Variants in DCAF10 observed in about 807,000 individuals in gnomAD.
DCAF10 encodes the protein DDB1- and CUL4-associated factor 10.
DCAF10 carries 19 observed loss-of-function variants against 51.9 expected under a neutral mutation model. The ratio of observed to expected loss-of-function variants is 0.37; its 90% CI spans 0.26 to 0.54. DCAF10 has a LOEUF of 0.54. Among genes scored for constraint, DCAF10 ranks in the 20% least tolerant of loss-of-function variants. The probability of loss-of-function intolerance (pLI) is 0.87; values close to 1 mark genes in which losing one functional copy is unlikely to be tolerated. For missense variants in DCAF10, 510 were observed against 730.6 expected (o/e 0.70, Z 3.48); for synonymous variants, 291 against 297.1 (o/e 0.98, Z 0.21).
intron 2 of DCAF10, among the ~76,000 whole-genome samples, chr9:37,840,591 T>C (rs1327002537): frequency 6.6e-6 from 1 of 152,078 alleles, no homozygotes; most frequent in Non-Finnish European, 1.5e-5. Flanking sequence ...TACAAAAGAG[T>C]CAAAAGTTTA....
chr9:37,813,134 AC>A lies in DCAF10; in HGVS notation c.540-6153del, dbSNP rs1427911585. Among the ~76,000 whole-genome samples the A allele has an allele frequency of 3.9e-5, 6 of 152,072 alleles. No individual in the cohort carries two copies. In the East Asian group the frequency reaches 1.2e-3, roughly 29 times the overall value. ...TATATTCTTAGAGATGGGATCTTGCACTGTTGCCCAGGCTGGAGTTCATTGG... is the reference window on the plus strand; with the variant it reads ...TATATTCTTAGAGATGGGATCTTGCATGTTGCCCAGGCTGGAGTTCATTGG... On this transcript the variant is annotated intron_variant, in intron 1 of 6. Coordinates refer to ENST00000377724, the MANE Select transcript of DCAF10 (RefSeq NM_024345.5).
At chr9:37,800,666 C>A, upstream of DCAF10, 1 of 1,535,984 alleles carries the variant, frequency 6.5e-7, no homozygotes, top group Non-Finnish European at 8.7e-7. Flanking sequence ...TCGCTCCCTA[C>A]CTCCGTTCCC....
intron 2 of DCAF10, among the ~76,000 whole-genome samples, chr9:37,839,780 C>G (rs1830278307): frequency 6.6e-6 from 1 of 152,160 alleles, no homozygotes; most frequent in South Asian, 2.1e-4. Flanking sequence ...TCCCAGCCAC[C>G]CTCTTTGCTT....
chr9:37,855,786 G>A (rs1239283535), intron 4 of DCAF10, among the ~76,000 whole-genome samples: 1 of 152,198 alleles, frequency 6.6e-6, no homozygotes, highest in African/African-American at 2.4e-5. Flanking sequence ...AAGGTGGGAG[G>A]ATCGCTTGAG....
At chr9:37,859,973 A>C in intron 5 of DCAF10, 75 bp from the exon 6 acceptor site, 1 of 1,572,638 alleles carries the variant, frequency 6.4e-7, no homozygotes, top group Non-Finnish European at 8.7e-7. Flanking sequence ...TGGCTGCCAG[A>C]AATAAAAAGC....
intron 1 of DCAF10, among the ~76,000 whole-genome samples, chr9:37,804,749 C>T (rs1335802976): frequency 2.0e-5 from 3 of 151,524 alleles, no homozygotes; most frequent in Non-Finnish European, 2.9e-5. Flanking sequence ...GCACTCCAGC[C>T]TGGGCAACAA....
chr9:37,800,733 G>A (rs967348034), upstream of DCAF10: 5 of 1,534,644 alleles, frequency 3.3e-6, no homozygotes, highest in African/African-American at 4.1e-5. Context: ...CCCGGCGGAC[G>A]GTGGCCGAGG....
rs1481616609 is a variant in DCAF10 at position 37,865,919 on chromosome 9, G to T, written c.*4411G>T. The T allele has an allele frequency of 2.0e-5, 3 of 152,594 alleles. No individual in the cohort carries two copies. The highest frequency in any genetic ancestry group is 2.0e-4 in the Admixed American group (3 of 15,274). 9.5% of individuals were successfully genotyped at this position (152,594 alleles called of 1,614,324 possible). On this transcript the variant is annotated 3_prime_UTR_variant, in exon 7 of 7. Transcript: ENST00000377724. ...ATCATTGTTAAAATTGTGTTATCTA[G>T]AAAGTGCAATATAGGGAAAACACTC...
rs923034185 is a variant in DCAF10 at position 37,844,103 on chromosome 9, G to A, written c.851+1817G>A. On this transcript the variant is annotated intron_variant, in intron 3 of 6. Transcript: ENST00000377724. ...CACTAAAATATAAAAGCTTGTATGC[G>A]CCTAAAAACATAGCATAAAACTATA... is the stretch of plus-strand genomic sequence containing the variant. Among the ~76,000 whole-genome samples the A allele has an allele frequency of 6.6e-5, 10 of 152,238 alleles. 1 individual carries two copies. Among genetic ancestry groups the A allele is most frequent in the Admixed American group, 2.0e-4 (3 of 15,294 alleles).
chr9:37,841,585 A>C (rs139473591), intron 2 of DCAF10, among the ~76,000 whole-genome samples: 248 of 152,318 alleles, frequency 1.6e-3, no homozygotes, highest in African/African-American at 5.7e-3. Flanking sequence ...AAAGATTTAA[A>C]ATAATGGCAA....
rs190498905 is a variant in DCAF10 at position 37,802,332 on chromosome 9, A to C, written c.539+927A>C. Among the ~76,000 whole-genome samples the C allele has an allele frequency of 9.6e-4, 147 of 152,350 alleles. 1 individual carries two copies. Among genetic ancestry groups the C allele is most frequent in the Non-Finnish European group, 8.8e-4 (60 of 68,034 alleles). On this transcript the variant is annotated intron_variant, in intron 1 of 6. Coordinates refer to ENST00000377724, the MANE Select transcript of DCAF10 (RefSeq NM_024345.5). ...GATAGCCTTACTAAATAATGCATAA[A>C]ATATATTTGTTAATTGAGATAAAGT...
At position 37,866,290 on chromosome 9, in the gene DCAF10, A is replaced by G. The variant is rs1420670142; in HGVS notation, c.*4782A>G. The G allele has an allele frequency of 6.6e-6, 1 of 152,658 alleles. No homozygotes were observed. Among genetic ancestry groups the G allele is most frequent in the East Asian group, 1.9e-4 (1 of 5,200 alleles). 9.5% of individuals were successfully genotyped at this position (152,658 alleles called of 1,614,324 possible). A position where few individuals can be genotyped will look rare whatever the true frequency, so the allele number is the denominator to read the frequency against. On this transcript the variant is annotated 3_prime_UTR_variant, in exon 7 of 7. Transcript: ENST00000377724. Reference sequence around the variant, plus strand: ...TTAAACATCATGCTCAGTATAATTCACATTTTCATGATGAAAAGTTAAAGT... The same window carrying G: ...TTAAACATCATGCTCAGTATAATTCGCATTTTCATGATGAAAAGTTAAAGT...
At chr9:37,805,283 A>G (rs1829078262) in intron 1 of DCAF10, among the ~76,000 whole-genome samples, 1 of 152,096 alleles carries the variant, frequency 6.6e-6, no homozygotes, top group Non-Finnish European at 1.5e-5. Context: ...GGAGTGTGAG[A>G]CCAGCCTGGC....
chr9:37,860,417 T>C, intron 6 of DCAF10: 2 of 470,886 alleles, frequency 4.2e-6, no homozygotes. Flanking sequence ...TTGAGCAAGG[T>C]GGGAGGTACT....
At position 37,864,139 on chromosome 9, in the gene DCAF10, A is replaced by T. The variant is rs1358048720; in HGVS notation, c.*2631A>T. On this transcript the variant is annotated 3_prime_UTR_variant, in exon 7 of 7. Transcript: ENST00000377724. ...CATCTCTACCAAAAATACAAAAATT[A>T]GATGGGCATGTTGGTACACGCCTGT... is the stretch of plus-strand genomic sequence containing the variant. 2 of 152,174 alleles carry T rather than the reference A, an allele frequency of 1.3e-5. No individual in the cohort carries two copies. Among genetic ancestry groups the T allele is most frequent in the Non-Finnish European group, 2.9e-5 (2 of 68,100 alleles). The allele number at this position is 152,174 out of a possible 1,614,324, so 9.4% of individuals were successfully genotyped here. A position where few individuals can be genotyped will look rare whatever the true frequency, so the allele number is the denominator to read the frequency against.
At chr9:37,815,043 A>G (rs1829484278) in intron 1 of DCAF10, among the ~76,000 whole-genome samples, 1 of 152,254 alleles carries the variant, frequency 6.6e-6, no homozygotes, top group South Asian at 2.1e-4. Flanking sequence ...ATTAATGTAA[A>G]TAACTACATT....
rs1014603013 is a variant in DCAF10, at chr9:37,865,131, T to A, written c.*3623T>A. On this transcript the variant is annotated 3_prime_UTR_variant, in exon 7 of 7. Transcript: ENST00000377724. ...ACCGTGTGTATCATGTAAAAAAAAT[T>A]CATAAGATTAACAATTTCCATGAGA... 2.6e-5 allele frequency: 4 copies of A among 152,006 alleles called. No individual in the cohort carries two copies. The highest frequency in any genetic ancestry group is 6.6e-5 in the Admixed American group (1 of 15,236). 9.4% of individuals were successfully genotyped at this position (152,006 alleles called of 1,614,324 possible).
chr9:37,807,322 A>T (rs1047624510), intron 1 of DCAF10, among the ~76,000 whole-genome samples: 1 of 152,280 alleles, frequency 6.6e-6, no homozygotes, highest in Middle Eastern at 3.4e-3. Flanking sequence ...TCTACAAAAA[A>T]TTTTAAAAAG....
rs1831032951 is a variant in DCAF10, at chr9:37,861,977, T to C, written c.*469T>C. The C allele has an allele frequency of 6.3e-6, 1 of 158,150 alleles. No homozygotes were observed. The highest frequency in any genetic ancestry group is 1.4e-5 in the Non-Finnish European group (1 of 71,096). The allele number at this position is 158,150 out of a possible 1,614,324, so 9.8% of individuals were successfully genotyped here. A position where few individuals can be genotyped will look rare whatever the true frequency, so the allele number is the denominator to read the frequency against. On this transcript the variant is annotated 3_prime_UTR_variant, in exon 7 of 7. Coordinates refer to ENST00000377724, the MANE Select transcript of DCAF10 (RefSeq NM_024345.5). This position sits in a 1 kb window ranked among gnomAD's most constrained non-coding sequence, Gnocchi z 4.9. Reference sequence around the variant, plus strand: ...AAGTTGGATATTGGCATATTGGTTGTTGAAAAATAAATTTCATCCTCACTT... The same window carrying C: ...AAGTTGGATATTGGCATATTGGTTGCTGAAAAATAAATTTCATCCTCACTT...
Sources: allele counts gnomAD v4.1 joint callset (sites outside exome capture counted in the v4.1 genomes callset), GRCh38; gene constraint gnomAD v4.1.1; non-coding constraint Gnocchi (gnomAD v3.1); transcripts MANE v1.5; gene names NCBI Gene and HGNC (gene_info 2026-07-23, HGNC 2026-07-21).